Variants in TBC1D32 observed in about 807,000 individuals in gnomAD.
TBC1D32 encodes TBC1 domain family member 32, also known as protein broad-minded.
TBC1D32 carries 151 observed loss-of-function variants against 170.3 expected under a neutral mutation model. That is an observed-to-expected ratio of 0.89 (90% CI 0.78 to 1.01). The LOEUF (loss-of-function observed/expected upper bound fraction) is 1.01. Among genes scored for constraint, TBC1D32 ranks in the 50% least tolerant of loss-of-function variants. The probability of loss-of-function intolerance (pLI) is 0.00; values close to 1 mark genes in which losing one functional copy is unlikely to be tolerated. For missense variants in TBC1D32, 1,464 were observed against 1,457.1 expected (o/e 1.00, Z -0.08); for synonymous variants, 498 against 488.0 (o/e 1.02, Z -0.27).
At chr6:121,251,617 G>C (rs527313208) in intron 17 of TBC1D32, among the ~76,000 whole-genome samples, 2 of 152,012 alleles carry the variant, frequency 1.3e-5, no homozygotes, top group African/African-American at 2.4e-5. Flanking sequence ...AGAAAACCTA[G>C]GCAATACCAT....
chr6:121,122,136 C>T (rs1406927400), intron 26 of TBC1D32, among the ~76,000 whole-genome samples: 1 of 151,910 alleles, frequency 6.6e-6, no homozygotes, highest in Non-Finnish European at 1.5e-5. Flanking sequence ...CTTTCTTTCT[C>T]TCATACCCCA....
At position 121,310,840 on chromosome 6, in the gene TBC1D32, T is replaced by G. The variant is rs757184606; in HGVS notation, c.503A>C (p.Lys168Thr). 3 of 1,579,782 alleles carry G rather than the reference T, an allele frequency of 1.9e-6. No individual in the cohort carries two copies. The Admixed American group carries it at 5.1e-5, about 27-fold the overall frequency. The change falls in exon 4 of 32, where the codon AAA becomes ACA. Residue 168 changes from lysine to threonine, a missense_variant. By Grantham distance (78) the Lys-to-Thr change is moderately conservative (BLOSUM62 -1). Coordinates refer to ENST00000398212, the MANE Select transcript of TBC1D32 (RefSeq NM_152730.6). Reference protein sequence around the residue: ...DSDSSLNQSYKFCQGKLQLIL... With the variant: ...DSDSSLNQSYTFCQGKLQLIL... ...CAATTGTAATTTTCCTTGACAAAATTTGTAACTCTGTAACACAATTGTCAG... is the reference window on the plus strand; with the variant it reads ...CAATTGTAATTTTCCTTGACAAAATGTGTAACTCTGTAACACAATTGTCAG...
chr6:121,080,958 T>C, intron 31 of TBC1D32, 68 bp from the exon 32 acceptor site: 1 of 1,557,586 alleles, frequency 6.4e-7, no homozygotes, highest in Non-Finnish European at 8.7e-7. Context: ...TAATGAATTT[T>C]AAATAATTGA....
chr6:121,219,520 A>G (rs902636084), intron 21 of TBC1D32, among the ~76,000 whole-genome samples: 1 of 152,192 alleles, frequency 6.6e-6, no homozygotes, highest in Admixed American at 6.5e-5. Flanking sequence ...ACTAATTTGT[A>G]CTTGTTTCCC....
chr6:121,106,072 A>C lies in TBC1D32; in HGVS notation c.3416T>G (p.Leu1139Trp), dbSNP rs1205386375. ...GTGAAAAGCTGAAAACACAAGAGGCAACTCAGCCTTCAGTAGCATTTCAAT... is the reference window on the plus strand; with the variant it reads ...GTGAAAAGCTGAAAACACAAGAGGCCACTCAGCCTTCAGTAGCATTTCAAT... The part of the protein sequence containing the change: ...HYIEMLLKAE[L>W]PLVFSAFHMS... The change falls in exon 30 of 32, where the codon TTG (leucine) becomes TGG (tryptophan). Residue 1139 changes from leucine to tryptophan, a missense_variant. Physicochemically the swap from Leu to Trp is moderately conservative, Grantham distance 61. Around this residue, in one of 3 missense-constraint regions of TBC1D32, gnomAD observed 1,363 missense variants for 1,338.1 expected, o/e 1.02. Coordinates refer to ENST00000398212, the MANE Select transcript of TBC1D32 (RefSeq NM_152730.6). 1.9e-6 allele frequency: 3 copies of C among 1,609,652 alleles called. No homozygotes were observed. Among genetic ancestry groups the C allele is most frequent in the Non-Finnish European group, 2.5e-6 (3 of 1,176,940 alleles).
At chr6:121,227,890 G>A (rs1795265861) in intron 20 of TBC1D32, among the ~76,000 whole-genome samples, 5 of 152,036 alleles carry the variant, frequency 3.3e-5, no homozygotes, top group Admixed American at 3.3e-4. Flanking sequence ...TCCTACAAAT[G>A]TTTCATAGAA....
chr6:121,109,792 G>A (rs1316232123), intron 29 of TBC1D32, among the ~76,000 whole-genome samples: 1 of 151,876 alleles, frequency 6.6e-6, no homozygotes, highest in African/African-American at 2.4e-5. Context: ...AAAATTTTAA[G>A]AACTTCAAAT....
intron 24 of TBC1D32, among the ~76,000 whole-genome samples, chr6:121,135,858 G>A (rs1158589138): frequency 6.6e-6 from 1 of 152,064 alleles, no homozygotes; most frequent in Admixed American, 6.6e-5. Flanking sequence ...GGTAAAATTA[G>A]TCTTAAAGTA....
chr6:121,279,915 G>T (rs1277957020), intron 14 of TBC1D32, among the ~76,000 whole-genome samples: 3 of 151,840 alleles, frequency 2.0e-5, no homozygotes, highest in Admixed American at 6.6e-5. Context: ...GCTCTTTGTG[G>T]GGTCTGCTTA....
At chr6:121,094,235 T>A (rs1777142202) in intron 30 of TBC1D32, among the ~76,000 whole-genome samples, 1 of 151,914 alleles carries the variant, frequency 6.6e-6, no homozygotes, top group African/African-American at 2.4e-5. Context: ...TGGTGCAATC[T>A]CAGCTCACTG....
chr6:121,231,193 T>C (rs1795689048), intron 20 of TBC1D32, among the ~76,000 whole-genome samples: 1 of 152,092 alleles, frequency 6.6e-6, no homozygotes, highest in Non-Finnish European at 1.5e-5. Context: ...CCCAGCACCA[T>C]TTTTTGAATA....
intron 20 of TBC1D32, among the ~76,000 whole-genome samples, chr6:121,230,672 C>T (rs1006634869): frequency 5.3e-5 from 8 of 151,118 alleles, no homozygotes; most frequent in Admixed American, 2.0e-4. Flanking sequence ...TATACACACA[C>T]GTGTATATAT....
At chr6:121,245,005 C>A (rs1267576989) in intron 17 of TBC1D32, among the ~76,000 whole-genome samples, 1 of 152,186 alleles carries the variant, frequency 6.6e-6, no homozygotes, top group African/African-American at 2.4e-5. Flanking sequence ...TGGAGGCCAA[C>A]AAACTCAGGC....
At chr6:121,251,634 C>T (rs1798303940) in intron 17 of TBC1D32, among the ~76,000 whole-genome samples, 1 of 152,168 alleles carries the variant, frequency 6.6e-6, no homozygotes, top group Non-Finnish European at 1.5e-5. Flanking sequence ...CCATTCAGGA[C>T]ATAGGCATGG....
intron 24 of TBC1D32, among the ~76,000 whole-genome samples, chr6:121,158,791 T>A (rs1379029296): frequency 6.6e-6 from 1 of 152,196 alleles, no homozygotes; most frequent in African/African-American, 2.4e-5. Context: ...ATCCAGTAGG[T>A]AGAGTTTAAG....
chr6:121,301,186 C>A (rs1471800551), intron 9 of TBC1D32, among the ~76,000 whole-genome samples: 1 of 152,140 alleles, frequency 6.6e-6, no homozygotes, highest in African/African-American at 2.4e-5. Flanking sequence ...AATCCCATTA[C>A]CGGGTATATA....
chr6:121,105,922 T>A (rs1778636952), intron 30 of TBC1D32, 101 bp downstream of exon 30: 1 of 1,253,656 alleles, frequency 8.0e-7, no homozygotes, highest in African/African-American at 1.5e-5. Context: ...TAAATACACT[T>A]TTATTAATTT....
chr6:121,168,485 G>T (rs4333455), intron 22 of TBC1D32, among the ~76,000 whole-genome samples: 39,071 of 46,106 alleles, frequency 0.85, 17,235 homozygotes, highest in Non-Finnish European at 0.99. Flanking sequence ...CACCACATAT[G>T]CTCACTCATA....
chr6:121,112,340 T>A, intron 29 of TBC1D32, 165 bp downstream of exon 29: 1 of 538,928 alleles, frequency 1.9e-6, no homozygotes, highest in Non-Finnish European at 2.9e-6. Flanking sequence ...TTTGAGAAAA[T>A]ATCAAATCTA....
Sources: gnomAD v4.1 joint callset for allele counts (sites outside exome capture counted in the v4.1 genomes callset) on GRCh38, gnomAD v4.1.1 for gene constraint, gnomAD v4.1.1 regional missense constraint, MANE v1.5 for transcripts, NCBI Gene and HGNC (gene_info 2026-07-23, HGNC 2026-07-21) for gene names.